CHAF1A: variants seen among roughly 807,000 people sequenced by gnomAD.
The protein encoded by CHAF1A is chromatin assembly factor 1 subunit A.
In CHAF1A, 5 loss-of-function variants were observed where a neutral mutation model predicts 93.2. That is an observed-to-expected ratio of 0.05 (90% confidence interval 0.03 to 0.11). The LOEUF (loss-of-function observed/expected upper bound fraction) is 0.11. Ranked by LOEUF, CHAF1A falls within the 10% of genes least tolerant of loss-of-function variation. CHAF1A has a pLI of 1.00. For missense variants in CHAF1A, 1,102 were observed against 1,259.9 expected (o/e 0.87, Z 1.90); for synonymous variants, 504 against 510.3 (o/e 0.99, Z 0.17).
chr19:4,448,635 A>G, downstream of CHAF1A: 1 of 580,300 alleles, frequency 1.7e-6, no homozygotes, highest in Non-Finnish European at 3.1e-6. Context: ...GCAGAACTCA[A>G]GTCTCCCCTT....
intron 12 of CHAF1A, among the ~76,000 whole-genome samples, chr19:4,432,626 A>G (rs1974206135): frequency 6.6e-6 from 1 of 151,974 alleles, no homozygotes; most frequent in African/African-American, 2.4e-5. Context: ...TGGGTGTGGT[A>G]TCACGCACCT....
At chr19:4,430,238 C>T (rs1198922997) in intron 10 of CHAF1A, 8 of 358,694 alleles carry the variant, frequency 2.2e-5, no homozygotes, top group Non-Finnish European at 2.6e-5. Context: ...AGTGCAGTGG[C>T]GCGATTTCGG....
chr19:4,432,925 C>G, intron 12 of CHAF1A, 145 bp from the exon 13 acceptor site: 1 of 645,818 alleles, frequency 1.5e-6, no homozygotes, highest in Non-Finnish European at 2.7e-6. Flanking sequence ...CTGTCTTACA[C>G]CCGCCCTCAT....
At chr19:4,430,527 C>CTT in intron 10 of CHAF1A, 22 bp from the exon 11 acceptor site, 19 of 1,375,090 alleles carry the variant, frequency 1.4e-5, no homozygotes, top group Non-Finnish European at 1.6e-5. Context: ...CTGATGAACT[C>CTT]TTTTTTTTTT....
intron 11 of CHAF1A, chr19:4,430,941 C>G: frequency 2.6e-6 from 1 of 391,906 alleles, no homozygotes; most frequent in Non-Finnish European, 4.8e-6. Flanking sequence ...AGCTGACATA[C>G]AGTCAGCATG....
At chr19:4,446,783 GC>G, downstream of CHAF1A, 1 of 1,613,114 alleles carries the variant, frequency 6.2e-7, no homozygotes, top group South Asian at 1.1e-5. Context: ...GGGCCCTCCT[GC>G]CCCGAGGCCC....
intron 7 of CHAF1A, among the ~76,000 whole-genome samples, chr19:4,428,392 G>C (rs977665464): frequency 6.6e-6 from 1 of 151,632 alleles, no homozygotes; most frequent in African/African-American, 2.4e-5. Context: ...GACAGGGCCA[G>C]CTAACCATAA....
At chr19:4,445,889 C>T, downstream of CHAF1A, 1 of 1,261,120 alleles carries the variant, frequency 7.9e-7, no homozygotes, top group Non-Finnish European at 1.1e-6. Flanking sequence ...TGCTCGAGGC[C>T]CTGCTGCCAG....
downstream of CHAF1A, chr19:4,447,485 C>T (rs534358767): frequency 4.2e-5 from 66 of 1,579,398 alleles, no homozygotes; most frequent in African/African-American, 5.9e-4. Context: ...GGGCCACCAC[C>T]GGCTCCTGCA....
intron 3 of CHAF1A, among the ~76,000 whole-genome samples, chr19:4,415,876 T>TA (rs1158350224): frequency 6.6e-6 from 1 of 152,046 alleles, no homozygotes; most frequent in Non-Finnish European, 1.5e-5. Flanking sequence ...CTTTCCCAGA[T>TA]AAAGAAATCA....
chr19:4,425,860 A>G lies in CHAF1A; in HGVS notation c.1377+1986A>G, dbSNP rs573585869. Among the ~76,000 whole-genome samples, 29 of 152,260 alleles carry G rather than the reference A, an allele frequency of 1.9e-4. No individual in the cohort carries two copies. In the East Asian group the frequency reaches 5.0e-3, roughly 26 times the overall value. ...GGCGATGTGTGGAAATTTCCTCCCC[A>G]TTCTCTGCTATCACTGCAATTTTTA... On this transcript the variant is annotated intron_variant, in intron 7 of 14. Transcript: ENST00000301280.
chr19:4,446,599 C>T (rs375914270), downstream of CHAF1A: 8 of 1,612,608 alleles, frequency 5.0e-6, no homozygotes, highest in South Asian at 2.2e-5. Flanking sequence ...GAAGACGCGG[C>T]GCTGCCTGTC....
chr19:4,408,884 C>T lies in CHAF1A; in HGVS notation c.104-19C>T. 1 of 1,581,418 alleles carries T rather than the reference C, an allele frequency of 6.3e-7. No individual in the cohort carries two copies. Among genetic ancestry groups the T allele is most frequent in the Non-Finnish European group, 8.6e-7 (1 of 1,167,906 alleles). Reference sequence around the variant, plus strand: ...AACTTTAAACGTTCACTAGAGATGGCTTTCTGTCTTTGTTTCAGCCCGTCT... The same window carrying T: ...AACTTTAAACGTTCACTAGAGATGGTTTTCTGTCTTTGTTTCAGCCCGTCT... On this transcript the variant is annotated intron_variant, in intron 2 of 14. Coordinates refer to ENST00000301280, the MANE Select transcript of CHAF1A (RefSeq NM_005483.3).
downstream of CHAF1A, chr19:4,445,909 AAGC>A (rs1370836534): frequency 7.3e-7 from 1 of 1,363,954 alleles, no homozygotes; most frequent in Non-Finnish European, 9.8e-7. Context: ...GTAAGTGGGA[AAGC>A]AGGATTCAAA....
chr19:4,437,242 G>A (rs1014646052), intron 13 of CHAF1A, among the ~76,000 whole-genome samples: 1 of 152,204 alleles, frequency 6.6e-6, no homozygotes, highest in African/African-American at 2.4e-5. Flanking sequence ...CTGGGGAGCA[G>A]GGTCTGGTCC....
intron 13 of CHAF1A, among the ~76,000 whole-genome samples, chr19:4,437,783 A>G (rs563240265): frequency 1.3e-5 from 2 of 151,518 alleles, no homozygotes; most frequent in Non-Finnish European, 2.9e-5. Flanking sequence ...TCTGTCGCCC[A>G]GGCTGGAGTG....
intron 3 of CHAF1A, among the ~76,000 whole-genome samples, chr19:4,412,987 C>T (rs1209753868): frequency 6.6e-6 from 1 of 152,210 alleles, no homozygotes; most frequent in Non-Finnish European, 1.5e-5. Flanking sequence ...CATCCCCAAC[C>T]CCTACTTTAT....
At chr19:4,430,497 C>A in intron 10 of CHAF1A, 52 bp from the exon 11 acceptor site, 1 of 1,274,530 alleles carries the variant, frequency 7.8e-7, no homozygotes, top group Non-Finnish European at 1.1e-6. Context: ...TTTAATAAGG[C>A]ACACACTCTG....
intron 3 of CHAF1A, among the ~76,000 whole-genome samples, chr19:4,411,981 A>G (rs1973813811): frequency 1.3e-5 from 2 of 152,010 alleles, no homozygotes; most frequent in Non-Finnish European, 2.9e-5. Context: ...GGTTTGTTAT[A>G]TAGGTAAACT....
Sources: gnomAD v4.1 joint callset for allele counts (sites outside exome capture counted in the v4.1 genomes callset) on GRCh38, gnomAD v4.1.1 for gene constraint, MANE v1.5 for transcripts, NCBI Gene and HGNC (gene_info 2026-07-23, HGNC 2026-07-21) for gene names.